SLC9A9: variants seen among roughly 807,000 people sequenced by gnomAD.
SLC9A9 encodes solute carrier family 9 member A9.
Under a neutral mutation model 77.8 loss-of-function variants are expected in SLC9A9, and 62 were observed. The observed-to-expected ratio is 0.80, with a 90% confidence interval of 0.65 to 0.98. The LOEUF is 0.98. Ranked by LOEUF, SLC9A9 falls within the 50% of genes least tolerant of loss-of-function variation. SLC9A9 has a pLI of 0.00. For synonymous variants in SLC9A9, 320 were observed against 283.5 expected, an observed-to-expected ratio of 1.13 and a Z score of -1.29; for missense variants, 775 against 774.9, an observed-to-expected ratio of 1.00 and a Z score of 0.00.
intron 9 of SLC9A9, among the ~76,000 whole-genome samples, chr3:143,514,179 C>T (rs1374894974): frequency 6.6e-6 from 1 of 151,678 alleles, no homozygotes; most frequent in East Asian, 1.9e-4. Context: ...ATGAACTCAT[C>T]CTTAAAAAGA....
In SLC9A9 at chr3:143,822,367, A is replaced by G. The variant is rs549130983; in HGVS notation, c.378+9652T>C. On this transcript the variant is annotated intron_variant, in intron 2 of 15. Transcript: ENST00000316549. The stretch of plus-strand genomic sequence containing the variant: ...AAAGATGAAGACCACTCGAATTTGC[A>G]GGACATTCTTGCTCCACACACCCCA... 1.5e-3 allele frequency among the ~76,000 whole-genome samples: 227 copies of G among 152,366 alleles called. 2 individuals are homozygous for G. The highest frequency in any genetic ancestry group is 9.7e-3 in the South Asian group (47 of 4,828).
intron 5 of SLC9A9, among the ~76,000 whole-genome samples, chr3:143,679,294 T>C (rs1379294173): frequency 2.0e-5 from 3 of 152,060 alleles, no homozygotes; most frequent in African/African-American, 7.2e-5. Context: ...GCAAAAGGTT[T>C]TGTGAGGTAA....
chr3:143,749,715 C>A (rs755767106), intron 4 of SLC9A9, among the ~76,000 whole-genome samples: 3 of 152,162 alleles, frequency 2.0e-5, no homozygotes, highest in Non-Finnish European at 2.9e-5. Flanking sequence ...CTGCTTCTTA[C>A]AATTCTCAGA....
chr3:143,784,598 C>A (rs4839609), intron 4 of SLC9A9, among the ~76,000 whole-genome samples: 84,693 of 151,018 alleles, frequency 0.56, 26,456 homozygotes, highest in African/African-American at 0.84. Context: ...GGCTCAAGTG[C>A]TCCACCTGCC....
At chr3:143,725,402 C>T (rs373080852) in intron 4 of SLC9A9, among the ~76,000 whole-genome samples, 13 of 152,060 alleles carry the variant, frequency 8.5e-5, no homozygotes, top group African/African-American at 1.7e-4. Context: ...ACCCAAAGGA[C>T]TATAAATCAT....
intron 9 of SLC9A9, among the ~76,000 whole-genome samples, chr3:143,523,487 T>C (rs1041078990): frequency 6.6e-6 from 1 of 152,176 alleles, no homozygotes; most frequent in Admixed American, 6.5e-5. Flanking sequence ...CTTGTACCTG[T>C]TAAGATCTCT....
At chr3:143,501,456 C>T (rs2035922047) in intron 9 of SLC9A9, among the ~76,000 whole-genome samples, 1 of 150,624 alleles carries the variant, frequency 6.6e-6, no homozygotes. Context: ...AGATAAAATT[C>T]CTGACATGAG....
chr3:143,287,708 C>T (rs1559853187), intron 14 of SLC9A9, among the ~76,000 whole-genome samples: 1 of 152,206 alleles, frequency 6.6e-6, no homozygotes, highest in Non-Finnish European at 1.5e-5. Flanking sequence ...CCTTGTCCTT[C>T]AGTGCTAATG....
chr3:143,559,503 A>G (rs1436246930), intron 8 of SLC9A9, among the ~76,000 whole-genome samples: 5 of 151,386 alleles, frequency 3.3e-5, no homozygotes, highest in Non-Finnish European at 7.4e-5. Flanking sequence ...AAGGCCTGTC[A>G]TTTTCCTATG....
At chr3:143,656,888 T>C (rs1292264318) in intron 5 of SLC9A9, among the ~76,000 whole-genome samples, 1 of 152,162 alleles carries the variant, frequency 6.6e-6, no homozygotes, top group Non-Finnish European at 1.5e-5. Flanking sequence ...CGAGGTAGCA[T>C]TTTTCCATTT....
At chr3:143,775,928 G>A (rs1212671256) in intron 4 of SLC9A9, among the ~76,000 whole-genome samples, 4 of 152,116 alleles carry the variant, frequency 2.6e-5, no homozygotes, top group Non-Finnish European at 4.4e-5. Flanking sequence ...TTTAAGCACC[G>A]TTAAAATCTA....
At chr3:143,384,373 C>A (rs1183962941) in intron 12 of SLC9A9, among the ~76,000 whole-genome samples, 4 of 152,136 alleles carry the variant, frequency 2.6e-5, no homozygotes, top group Non-Finnish European at 5.9e-5. Context: ...CTGGATAAAC[C>A]CAGATCTCAG....
chr3:143,839,355 C>G (rs948677602), intron 1 of SLC9A9, among the ~76,000 whole-genome samples: 3 of 152,176 alleles, frequency 2.0e-5, no homozygotes, highest in African/African-American at 4.8e-5. Context: ...GCTAATTAAC[C>G]TTGTGATGCC....
chr3:143,582,297 A>G (rs2037470340), intron 6 of SLC9A9, among the ~76,000 whole-genome samples: 1 of 152,234 alleles, frequency 6.6e-6, no homozygotes, highest in African/African-American at 2.4e-5. Flanking sequence ...TGGAGATAAT[A>G]ATAGTATTTA....
chr3:143,323,696 G>A (rs1230347551), intron 14 of SLC9A9, among the ~76,000 whole-genome samples: 1 of 151,986 alleles, frequency 6.6e-6, no homozygotes, highest in Non-Finnish European at 1.5e-5. Flanking sequence ...AAAATATATC[G>A]TACTCAAGTG....
In SLC9A9 at chr3:143,275,030, A is replaced by G. The variant is rs539204304; in HGVS notation, c.1605-6050T>C. 2.0e-5 allele frequency among the ~76,000 whole-genome samples: 3 copies of G among 152,176 alleles called. No homozygotes were observed. In the East Asian group the frequency reaches 5.8e-4, roughly 29 times the overall value. On this transcript the variant is annotated intron_variant, in intron 14 of 15. Transcript: ENST00000316549. Reference sequence around the variant, plus strand: ...CCAGGCCTTTTGTCAATTTCTCTCTAGTCACTTTGATTGTCTGAAGCTTGT... The same window carrying G: ...CCAGGCCTTTTGTCAATTTCTCTCTGGTCACTTTGATTGTCTGAAGCTTGT...
rs35558032 is a variant in SLC9A9, at chr3:143,334,963, G to GA, written c.1604+28520dup. ...AGTCCTAGCCAGAGATAATAGGCAT[G>GA]AAAAAAAAAAATAGCACCCATATTG... On this transcript the variant is annotated intron_variant, in intron 14 of 15. Transcript: ENST00000316549. Among the ~76,000 whole-genome samples, 226 of 149,168 alleles carry GA rather than the reference G, an allele frequency of 1.5e-3. 1 individual carries two copies. The highest frequency in any genetic ancestry group is 0.013 in the South Asian group (60 of 4,718).
At chr3:143,673,328 C>T (rs2039188680) in intron 5 of SLC9A9, among the ~76,000 whole-genome samples, 1 of 152,116 alleles carries the variant, frequency 6.6e-6, no homozygotes, top group Non-Finnish European at 1.5e-5. Flanking sequence ...GACGAGAAGG[C>T]ATATTCTGTG....
At chr3:143,390,473 T>A (rs1203250046) in intron 12 of SLC9A9, among the ~76,000 whole-genome samples, 1 of 152,112 alleles carries the variant, frequency 6.6e-6, no homozygotes, top group Non-Finnish European at 1.5e-5. Context: ...GGGTGAATTG[T>A]TCCAAGATGG....
Sources: gnomAD v4.1 joint callset for allele counts (sites outside exome capture counted in the v4.1 genomes callset) on GRCh38, gnomAD v4.1.1 for gene constraint, MANE v1.5 for transcripts, NCBI Gene and HGNC (gene_info 2026-07-23, HGNC 2026-07-21) for gene names.